TP63: variants seen among roughly 807,000 people sequenced by gnomAD.
TP63 encodes the protein tumor protein 63.
TP63 carries 17 observed loss-of-function variants against 82.8 expected under a neutral mutation model. The observed-to-expected ratio is 0.21, with a 90% CI of 0.14 to 0.31. The LOEUF (loss-of-function observed/expected upper bound fraction) is 0.31. Ranked by LOEUF, TP63 falls within the 10% of genes least tolerant of loss-of-function variation. The probability of loss-of-function intolerance (pLI) is 1.00; values close to 1 mark genes in which losing one functional copy is unlikely to be tolerated. For missense variants in TP63, 648 were observed against 895.3 expected, an observed-to-expected ratio of 0.72 and a Z score of 3.52; for synonymous variants, 330 against 321.7, an observed-to-expected ratio of 1.03 and a Z score of -0.28.
intron 1 of TP63, among the ~76,000 whole-genome samples, chr3:189,657,822 A>G (rs947380652): frequency 1.5e-4 from 23 of 152,114 alleles, no homozygotes; most frequent in African/African-American, 5.5e-4. Context: ...ATACTTTCAT[A>G]TTTCCTTGCT....
At chr3:189,660,156 GT>G (rs1269353032) in intron 1 of TP63, among the ~76,000 whole-genome samples, 10 of 151,960 alleles carry the variant, frequency 6.6e-5, no homozygotes, top group Non-Finnish European at 1.2e-4. Flanking sequence ...ATGTATCTAA[GT>G]TTTCTTCCAG....
At chr3:189,802,924 C>T (rs1455308897) in intron 3 of TP63, among the ~76,000 whole-genome samples, 8 of 152,130 alleles carry the variant, frequency 5.3e-5, no homozygotes, top group Non-Finnish European at 1.2e-4. Flanking sequence ...TAACCTCTTA[C>T]TATATATTGT....
chr3:189,649,711 C>G (rs1712730416), intron 1 of TP63, among the ~76,000 whole-genome samples: 1 of 146,518 alleles, frequency 6.8e-6, no homozygotes, highest in African/African-American at 2.6e-5. Context: ...ATGAATTCAA[C>G]TGCATTTTAG....
At chr3:189,600,841 A>G in the TP63 span, among the ~76,000 whole-genome samples, 1 of 152,214 alleles carries the variant, frequency 6.6e-6, no homozygotes, top group African/African-American at 2.4e-5. Context: ...AGCCTTGACT[A>G]CATACTTTGG....
intron 3 of TP63, among the ~76,000 whole-genome samples, chr3:189,777,028 CT>C (rs1723854658): frequency 6.6e-6 from 1 of 152,032 alleles, no homozygotes; most frequent in East Asian, 1.9e-4. Flanking sequence ...AATCATAAAC[CT>C]TTCTGGAAGC....
At chr3:189,667,419 C>T (rs770038603) in intron 1 of TP63, among the ~76,000 whole-genome samples, 8 of 151,958 alleles carry the variant, frequency 5.3e-5, no homozygotes, top group Non-Finnish European at 1.2e-4. Context: ...TTGGTCTACT[C>T]GCCTCTACCT....
At chr3:189,722,914 G>A (rs1044816808) in intron 1 of TP63, among the ~76,000 whole-genome samples, 1 of 152,196 alleles carries the variant, frequency 6.6e-6, no homozygotes, top group African/African-American at 2.4e-5. Context: ...AAAGTGCTCT[G>A]TCTTTAATAA....
intron 1 of TP63, among the ~76,000 whole-genome samples, chr3:189,699,876 T>C (rs1717672630): frequency 6.6e-6 from 1 of 152,202 alleles, no homozygotes; most frequent in Non-Finnish European, 1.5e-5. Flanking sequence ...TGAGTTATGA[T>C]TCCTTACACA....
chr3:189,731,353 GA>G (rs1056541281), intron 1 of TP63, among the ~76,000 whole-genome samples: 9 of 148,110 alleles, frequency 6.1e-5, no homozygotes, highest in African/African-American at 2.0e-4. Flanking sequence ...CAAAAAAAAA[GA>G]AAAAAAAAGA....
upstream of TP63, among the ~76,000 whole-genome samples, chr3:189,628,093 A>G (rs1305977377): frequency 6.6e-6 from 1 of 152,028 alleles, no homozygotes; most frequent in Non-Finnish European, 1.5e-5. Context: ...ACAGGAGATG[A>G]GTCTATTCAA....
the TP63 span, among the ~76,000 whole-genome samples, chr3:189,609,947 G>A: frequency 6.6e-6 from 1 of 152,104 alleles, no homozygotes; most frequent in African/African-American, 2.4e-5. Context: ...GCTCTTTGAG[G>A]AATCCCCATA....
intron 3 of TP63, among the ~76,000 whole-genome samples, chr3:189,766,873 A>C (rs4686527): frequency 0.053 from 8,138 of 152,226 alleles, 453 homozygotes; most frequent in East Asian, 0.33. Flanking sequence ...TCTTGGTTGC[A>C]ATTGTTCTTT....
chr3:189,604,987 T>A, the TP63 span, among the ~76,000 whole-genome samples: 2 of 152,204 alleles, frequency 1.3e-5, no homozygotes, highest in Non-Finnish European at 2.9e-5. Flanking sequence ...TCTCCTGAAT[T>A]GTGCCAATGA....
At chr3:189,686,691 C>A (rs906586725) in intron 1 of TP63, among the ~76,000 whole-genome samples, 3 of 145,902 alleles carry the variant, frequency 2.1e-5, no homozygotes, top group Non-Finnish European at 4.5e-5. Context: ...TAAAATAATT[C>A]ACTGAGAACT....
intron 10 of TP63, among the ~76,000 whole-genome samples, chr3:189,876,972 G>A (rs939811541): frequency 2.0e-5 from 3 of 152,116 alleles, no homozygotes; most frequent in Non-Finnish European, 4.4e-5. Context: ...GGAAGAGAAC[G>A]TACTTTCTGT....
intron 1 of TP63, among the ~76,000 whole-genome samples, chr3:189,694,279 A>G (rs113603673): frequency 0.024 from 3,590 of 152,322 alleles, 55 homozygotes; most frequent in Non-Finnish European, 0.037. Context: ...AACATCATAC[A>G]TTATTATGGT....
intron 13 of TP63, among the ~76,000 whole-genome samples, chr3:189,891,353 G>A (rs1386606640): frequency 6.6e-6 from 1 of 152,228 alleles, no homozygotes; most frequent in African/African-American, 2.4e-5. Flanking sequence ...AAACGTGTAA[G>A]CTTACAGTCT....
chr3:189,838,384 C>T (rs1462780603), intron 4 of TP63, among the ~76,000 whole-genome samples: 3 of 152,118 alleles, frequency 2.0e-5, no homozygotes, highest in African/African-American at 4.8e-5. Context: ...ACAACTAAGA[C>T]AGTTGTGTTA....
chr3:189,712,078 A>G (rs1038637105), intron 1 of TP63, among the ~76,000 whole-genome samples: 8 of 152,204 alleles, frequency 5.3e-5, no homozygotes, highest in African/African-American at 1.7e-4. Context: ...ACACAGAACA[A>G]TTAAAATTGA....
Sources: gnomAD v4.1 joint callset for allele counts (sites outside exome capture counted in the v4.1 genomes callset) on GRCh38, gnomAD v4.1.1 for gene constraint, MANE v1.5 for transcripts, NCBI Gene and HGNC (gene_info 2026-07-23, HGNC 2026-07-21) for gene names.